The following MYO6 variants were observed in gnomAD, a reference collection of about 807,000 sequenced individuals.
MYO6 encodes the protein unconventional myosin-VI.
A neutral mutation model predicts 178.7 loss-of-function variants in MYO6; 74 were observed. That is an observed-to-expected ratio of 0.41 (90% CI 0.34 to 0.50). The LOEUF (loss-of-function observed/expected upper bound fraction) is 0.50. Ranked by LOEUF, MYO6 falls within the 20% of genes least tolerant of loss-of-function variation. MYO6 has a pLI of 0.09. For missense variants in MYO6, 1,330 were observed against 1,547.4 expected (o/e 0.86, Z 2.36); for synonymous variants, 477 against 504.6 (o/e 0.95, Z 0.73).
intron 1 of MYO6, among the ~76,000 whole-genome samples, chr6:75,776,525 G>A (rs182024835): frequency 4.6e-5 from 7 of 152,204 alleles, no homozygotes; most frequent in Admixed American, 6.5e-5. Flanking sequence ...ATAATACAGC[G>A]GTTGGCATTC....
intron 16 of MYO6, among the ~76,000 whole-genome samples, chr6:75,863,174 T>C (rs1237984366): frequency 2.6e-5 from 4 of 152,192 alleles, no homozygotes; most frequent in Non-Finnish European, 4.4e-5. Context: ...CTTTGTTTTG[T>C]GACCTTAATC....
intron 1 of MYO6, among the ~76,000 whole-genome samples, chr6:75,799,054 G>C (rs1429808923): frequency 1.3e-5 from 2 of 152,132 alleles, no homozygotes; most frequent in Non-Finnish European, 2.9e-5. Context: ...TAACCAAGGA[G>C]GTGAAAGACC....
rs781399180 is a variant in MYO6 at position 75,857,278 on chromosome 6, T to G, written c.1381+24T>G. On this transcript the variant is annotated intron_variant, in intron 13 of 34. Transcript: ENST00000369977. ...TGGTAAGTAGAGTTTCTTTTGTGAG[T>G]ATATATTTGTTTCATATTTTTTCAC... 2.5e-6 allele frequency: 4 copies of G among 1,602,896 alleles called. No individual in the cohort carries two copies. The Admixed American group carries it at 6.7e-5, about 27-fold the overall frequency.
intron 1 of MYO6, among the ~76,000 whole-genome samples, chr6:75,765,903 C>T (rs972250010): frequency 1.3e-5 from 2 of 150,898 alleles, no homozygotes; most frequent in Non-Finnish European, 3.0e-5. Context: ...AGGTGTGTGC[C>T]TGTAGTTCCA....
At chr6:75,874,558 T>C (rs1317212107) in intron 20 of MYO6, among the ~76,000 whole-genome samples, 2 of 152,214 alleles carry the variant, frequency 1.3e-5, no homozygotes, top group Non-Finnish European at 2.9e-5. Context: ...TCCCTCTTGT[T>C]GAGAAAGTAG....
chr6:75,757,624 C>T (rs984490729), intron 1 of MYO6, among the ~76,000 whole-genome samples: 4 of 151,786 alleles, frequency 2.6e-5, no homozygotes, highest in South Asian at 2.1e-4. Context: ...TCCAGAGTTG[C>T]GTTTAAGCAC....
chr6:75,774,406 C>T (rs1048773317), intron 1 of MYO6, among the ~76,000 whole-genome samples: 5 of 151,984 alleles, frequency 3.3e-5, no homozygotes, highest in African/African-American at 1.2e-4. Flanking sequence ...GTTATCTTTA[C>T]TTTTGACATG....
At chr6:75,857,335 T>C (rs1034573436) in intron 13 of MYO6, 81 bp downstream of exon 13, 16 of 1,398,196 alleles carry the variant, frequency 1.1e-5, no homozygotes, top group Non-Finnish European at 1.6e-5. Flanking sequence ...TCTTTTCTCC[T>C]TTGTAACTCA....
chr6:75,877,216 G>A (rs1017398506), intron 20 of MYO6, among the ~76,000 whole-genome samples: 10 of 151,184 alleles, frequency 6.6e-5, no homozygotes, highest in East Asian at 3.9e-4. Context: ...CAGGTGATCC[G>A]CCTGCCTCGG....
chr6:75,859,657 A>G (rs1583293159), intron 14 of MYO6, among the ~76,000 whole-genome samples: 1 of 138,784 alleles, frequency 7.2e-6, no homozygotes, highest in South Asian at 2.3e-4. Flanking sequence ...TGCCTTTGGC[A>G]TCTCCCACTC....
chr6:75,881,776 C>T lies in MYO6; in HGVS notation c.2374C>T (p.Arg792Cys), dbSNP rs1778050091. The change falls in exon 23 of 35, where the codon CGC becomes TGC. Residue 792 changes from arginine (R) to cysteine (C), a missense_variant. Around this residue, in one of 3 missense-constraint regions of MYO6, gnomAD observed 601 missense variants for 626.1 expected, o/e 0.96. Transcript: ENST00000369977. ...AGTCAATCACTGGCTCACATGCAGTCGCTGGAAGAAAGTTCAGTGGTGCTC... is the reference window on the plus strand; with the variant it reads ...AGTCAATCACTGGCTCACATGCAGTTGCTGGAAGAAAGTTCAGTGGTGCTC... The part of the protein sequence containing the change: ...KRVNHWLTCS[R>C]WKKVQWCSLS... 4 of 1,613,926 alleles carry T rather than the reference C, an allele frequency of 2.5e-6. No homozygotes were observed. The highest frequency in any genetic ancestry group is 1.1e-5 in the South Asian group (1 of 91,046).
Position 75,757,972 on chromosome 6 carries a change from C to CTTTTTTTTT in MYO6, c.-48+8564_-48+8572dup, listed in dbSNP as rs71002761. On this transcript the variant is annotated intron_variant, in intron 1 of 34. Coordinates refer to ENST00000369977, the MANE Select transcript of MYO6 (RefSeq NM_004999.4). ...GATTTGGTTGGAATCTTGAAGTTGG[C>CTTTTTTTTT]TTTTTTTTTTTTTTTTTTTTTTTGA... Among the ~76,000 whole-genome samples, 23 of 74,308 alleles carry CTTTTTTTTT rather than the reference C, an allele frequency of 3.1e-4. 1 individual carries two copies. Among genetic ancestry groups the CTTTTTTTTT allele is most frequent in the South Asian group, 2.6e-3 (4 of 1,560 alleles). The allele number at this position is 74,308 out of a possible 152,430, so 48.7% of individuals were successfully genotyped here.
In MYO6 at chr6:75,910,882, A is replaced by T. The variant is rs114588654; in HGVS notation, c.3413-790A>T. Among the ~76,000 whole-genome samples the T allele has an allele frequency of 3.1e-3, 467 of 152,220 alleles. 2 individuals carry two copies. The highest frequency in any genetic ancestry group is 0.01 in the African/African-American group (426 of 41,554). ...AAGTGCTGTGTAGTCTAATATTTAG[A>T]AGGAACAATTCATTAATTTGAGAAA... On this transcript the variant is annotated intron_variant, in intron 32 of 34. Transcript: ENST00000369977.
At chr6:75,894,834 C>A in intron 28 of MYO6, 1 of 1,517,534 alleles carries the variant, frequency 6.6e-7, no homozygotes, top group Non-Finnish European at 8.9e-7. Flanking sequence ...TATCCGGTAA[C>A]TTCTAAGTAA....
Position 75,862,735 on chromosome 6 carries a change from C to T in MYO6, c.1674+12C>T. ...ATTTTCGACTCACTGTGAGTTTTGC[C>T]ATTCTGAAATTGAGACTATGGTGGG... On this transcript the variant is annotated intron_variant, in intron 16 of 34. Coordinates refer to ENST00000369977, the MANE Select transcript of MYO6 (RefSeq NM_004999.4). The T allele has an allele frequency of 3.1e-6, 5 of 1,613,616 alleles. No individual in the cohort carries two copies. In the African/African-American group the frequency reaches 4.0e-5, roughly 13 times the overall value.
intron 14 of MYO6, 76 bp from the exon 15 acceptor site, chr6:75,860,947 T>A: frequency 9.1e-7 from 1 of 1,093,278 alleles, no homozygotes; most frequent in Non-Finnish European, 1.4e-6. Flanking sequence ...TTAGCAAATG[T>A]TATGTTCAGA....
chr6:75,903,142 C>T (rs567780023), intron 30 of MYO6, among the ~76,000 whole-genome samples: 1 of 152,180 alleles, frequency 6.6e-6, no homozygotes, highest in Non-Finnish European at 1.5e-5. Flanking sequence ...AGCCTTACTT[C>T]CAAGTATGTG....
At chr6:75,811,029 T>C (rs1031701868) in intron 1 of MYO6, among the ~76,000 whole-genome samples, 1 of 151,016 alleles carries the variant, frequency 6.6e-6, no homozygotes, top group South Asian at 2.1e-4. Context: ...GTTTTTTTTT[T>C]GGCATACCCA....
At chr6:75,887,627 G>T in intron 25 of MYO6, among the ~76,000 whole-genome samples, 1 of 107,772 alleles carries the variant, frequency 9.3e-6, no homozygotes, top group African/African-American at 3.6e-5. Context: ...GTGACAGAGT[G>T]AGACTCCATC....
Sources: gnomAD v4.1 joint callset for allele counts (sites outside exome capture counted in the v4.1 genomes callset) on GRCh38, gnomAD v4.1.1 for gene constraint, gnomAD v4.1.1 regional missense constraint, MANE v1.5 for transcripts, NCBI Gene and HGNC (gene_info 2026-07-23, HGNC 2026-07-21) for gene names.